CCBE1: variants seen among roughly 807,000 people sequenced by gnomAD.
CCBE1 encodes the protein collagen and calcium binding EGF domains 1.
CCBE1 carries 37 observed loss-of-function variants against 50.0 expected under a neutral mutation model. The ratio of observed to expected loss-of-function variants is 0.74; its 90% confidence interval spans 0.57 to 0.97. The LOEUF (loss-of-function observed/expected upper bound fraction) is 0.97. CCBE1 is among the 50% of genes least tolerant of loss of function. The pLI is 0.00. For synonymous variants in CCBE1, 234 were observed against 203.7 expected (o/e 1.15, Z -1.27); for missense variants, 538 against 523.8 (o/e 1.03, Z -0.26).
At chr18:59,564,909 G>A (rs1410429956) in intron 2 of CCBE1, among the ~76,000 whole-genome samples, 1 of 152,240 alleles carries the variant, frequency 6.6e-6, no homozygotes, top group Non-Finnish European at 1.5e-5. Context: ...CAGGGGGACT[G>A]CAAAGTATAT....
chr18:59,502,272 C>T (rs919708562), intron 2 of CCBE1, among the ~76,000 whole-genome samples: 7 of 152,214 alleles, frequency 4.6e-5, no homozygotes, highest in African/African-American at 1.4e-4. Flanking sequence ...GCTCATCAAA[C>T]CTATGCTGAG....
intron 2 of CCBE1, among the ~76,000 whole-genome samples, chr18:59,675,560 T>C (rs2054490045): frequency 6.6e-6 from 1 of 152,180 alleles, no homozygotes; most frequent in Admixed American, 6.5e-5. Flanking sequence ...AAGATAAGCT[T>C]CCTCCATCTC....
intron 2 of CCBE1, among the ~76,000 whole-genome samples, chr18:59,588,440 G>A (rs1245372685): frequency 6.6e-6 from 1 of 152,176 alleles, no homozygotes; most frequent in African/African-American, 2.4e-5. Flanking sequence ...CCAGCACTCT[G>A]TGTGGTTTCC....
intron 2 of CCBE1, among the ~76,000 whole-genome samples, chr18:59,637,544 A>C (rs1056242087): frequency 1.3e-5 from 2 of 152,178 alleles, no homozygotes; most frequent in African/African-American, 4.8e-5. Flanking sequence ...TAAGGTGTAC[A>C]AAGGAATGAA....
At chr18:59,555,415 C>T (rs961936461) in intron 2 of CCBE1, among the ~76,000 whole-genome samples, 2 of 152,188 alleles carry the variant, frequency 1.3e-5, no homozygotes, top group African/African-American at 4.8e-5. Context: ...GAACAGGTGT[C>T]ATGTTCCATC....
intron 2 of CCBE1, among the ~76,000 whole-genome samples, chr18:59,556,501 T>C (rs2052659176): frequency 6.6e-6 from 1 of 152,132 alleles, no homozygotes. Context: ...TTATTGAATG[T>C]GATCCAGCTG....
At chr18:59,695,436 G>T (rs564469600) in intron 2 of CCBE1, among the ~76,000 whole-genome samples, 1 of 151,978 alleles carries the variant, frequency 6.6e-6, no homozygotes, top group African/African-American at 2.4e-5. Flanking sequence ...TTCACCCCCC[G>T]CACACGCCAA....
intron 2 of CCBE1, among the ~76,000 whole-genome samples, chr18:59,528,781 T>C (rs1914930589): frequency 6.6e-6 from 1 of 152,196 alleles, no homozygotes; most frequent in South Asian, 2.1e-4. Context: ...CTCCTGCACC[T>C]GGAGGCATCA....
intron 2 of CCBE1, among the ~76,000 whole-genome samples, chr18:59,507,917 C>T (rs1913952410): frequency 6.9e-6 from 1 of 144,688 alleles, no homozygotes; most frequent in African/African-American, 2.6e-5. Flanking sequence ...TTTGAGATGG[C>T]ATCTCCCTCT....
At chr18:59,595,843 G>T (rs186742434) in intron 2 of CCBE1, among the ~76,000 whole-genome samples, 66 of 152,308 alleles carry the variant, frequency 4.3e-4, no homozygotes, top group South Asian at 1.5e-3. Flanking sequence ...GCTTTATCAA[G>T]TGGGTACCAC....
intron 2 of CCBE1, among the ~76,000 whole-genome samples, chr18:59,678,596 G>C (rs1358228156): frequency 6.6e-6 from 1 of 152,108 alleles, no homozygotes; most frequent in East Asian, 1.9e-4. Context: ...GCAGTGGTGT[G>C]ATCTCCGCTC....
chr18:59,652,214 G>A (rs1041238978), intron 2 of CCBE1, among the ~76,000 whole-genome samples: 1 of 151,674 alleles, frequency 6.6e-6, no homozygotes, highest in Non-Finnish European at 1.5e-5. Flanking sequence ...TGGCTGAATA[G>A]TATTCCATTT....
intron 2 of CCBE1, among the ~76,000 whole-genome samples, chr18:59,642,746 G>C (rs1160892283): frequency 1.3e-5 from 2 of 151,874 alleles, no homozygotes; most frequent in African/African-American, 4.8e-5. Context: ...TCAAGAGTTC[G>C]AGAGCAGCCT....
At chr18:59,438,922 G>A (rs140212480) in intron 9 of CCBE1, among the ~76,000 whole-genome samples, 2 of 152,066 alleles carry the variant, frequency 1.3e-5, no homozygotes, top group African/African-American at 4.8e-5. Context: ...GGCTGAGACG[G>A]GCAGATCACC....
intron 2 of CCBE1, among the ~76,000 whole-genome samples, chr18:59,631,648 G>A (rs2564468): frequency 0.1 from 15,767 of 152,208 alleles, 850 homozygotes; most frequent in East Asian, 0.14. Flanking sequence ...CATGGTTCAA[G>A]TCACTTTGCT....
rs1444206398 is a variant in CCBE1 at position 59,432,886 on chromosome 18, ATTC to A, written c.*3019_*3021del. 1 of 152,186 alleles carries A rather than the reference ATTC, an allele frequency of 6.6e-6. No homozygotes were observed. Among genetic ancestry groups the A allele is most frequent in the Non-Finnish European group, 1.5e-5 (1 of 68,032 alleles). The allele number at this position is 152,186 out of a possible 1,614,324, so 9.4% of individuals were successfully genotyped here. A position where few individuals can be genotyped will look rare whatever the true frequency, so the allele number is the denominator to read the frequency against. On this transcript the variant is annotated 3_prime_UTR_variant, in exon 11 of 11. Coordinates refer to ENST00000439986, the MANE Select transcript of CCBE1 (RefSeq NM_133459.4). ...TCACTGTCAAAGAAAAGGTATTAAA[ATTC>A]TTCTTTTAAAAAAAATCATAGATGG...
chr18:59,667,946 G>A (rs2054378064), intron 2 of CCBE1, among the ~76,000 whole-genome samples: 1 of 152,120 alleles, frequency 6.6e-6, no homozygotes, highest in Non-Finnish European at 1.5e-5. Flanking sequence ...TGGACACAGG[G>A]AGAGGAACAT....
At chr18:59,581,258 T>C (rs893886579) in intron 2 of CCBE1, among the ~76,000 whole-genome samples, 3 of 151,954 alleles carry the variant, frequency 2.0e-5, no homozygotes, top group African/African-American at 4.8e-5. Context: ...CTGACCAACA[T>C]GGTGAAACCC....
chr18:59,573,402 A>G (rs1022370966), intron 2 of CCBE1, among the ~76,000 whole-genome samples: 2 of 150,708 alleles, frequency 1.3e-5, no homozygotes, highest in African/African-American at 2.4e-5. Context: ...GCAACACAAA[A>G]TCTGCCTGTG....
Sources: allele counts gnomAD v4.1 joint callset (sites outside exome capture counted in the v4.1 genomes callset), GRCh38; gene constraint gnomAD v4.1.1; transcripts MANE v1.5; gene names NCBI Gene and HGNC (gene_info 2026-07-23, HGNC 2026-07-21).